Variants in CDKL3 observed in about 807,000 individuals in gnomAD.
CDKL3 encodes the protein cyclin-dependent kinase-like 3.
In CDKL3, 65 loss-of-function variants were observed where a neutral mutation model predicts 69.3. That is an observed-to-expected ratio of 0.94 (90% CI 0.77 to 1.15). CDKL3 has a LOEUF of 1.15. Among genes scored for constraint, CDKL3 ranks in the 50% most tolerant of loss-of-function variants. The pLI is 0.00. For missense variants in CDKL3, 652 were observed against 689.2 expected (o/e 0.95, Z 0.61); for synonymous variants, 202 against 221.6 (o/e 0.91, Z 0.79).
chr5:134,349,228 AAC>A (rs1257672862), intron 4 of CDKL3, among the ~76,000 whole-genome samples: 2 of 152,218 alleles, frequency 1.3e-5, no homozygotes, highest in African/African-American at 2.4e-5. Flanking sequence ...TTATTATAAT[AAC>A]ACAATAATAA....
intron 3 of CDKL3, among the ~76,000 whole-genome samples, chr5:134,354,945 CAA>C (rs112013809): frequency 1.6e-5 from 2 of 122,524 alleles, no homozygotes; most frequent in Non-Finnish European, 1.7e-5. Context: ...GACTCCGTCT[CAA>C]AAAAAAAAAA....
chr5:134,360,001 CTG>C lies in CDKL3; in HGVS notation c.254_255del (p.Thr85SerfsTer4). The C allele has an allele frequency of 6.4e-7, 1 of 1,564,036 alleles. No homozygotes were observed. Among genetic ancestry groups the C allele is most frequent in the Non-Finnish European group, 8.7e-7 (1 of 1,151,742 alleles). On this transcript the variant is annotated frameshift_variant, in exon 3 of 13. Coordinates refer to ENST00000265334, the MANE Select transcript of CDKL3 (RefSeq NM_001113575.2). LOFTEE classifies it high-confidence loss of function. ...CAATAATGTTGTAACTCATCTAATA[CTG>C]TGTGGTCAATAAATTCAAATACCAA... is the stretch of plus-strand genomic sequence containing the variant. ...IHLVFEFIDHTVLDELQHYCH... is the reference protein window; with the variant it reads ...IHLVFEFIDHXVLDELQHYCH...
intron 4 of CDKL3, among the ~76,000 whole-genome samples, chr5:134,334,107 G>A (rs1489401238): frequency 2.0e-5 from 3 of 152,110 alleles, no homozygotes; most frequent in Admixed American, 6.6e-5. Context: ...GGAGGGGTTT[G>A]TAGTATTCTC....
chr5:134,337,458 C>G (rs759535155), intron 4 of CDKL3, among the ~76,000 whole-genome samples: 1 of 152,174 alleles, frequency 6.6e-6, no homozygotes, highest in Non-Finnish European at 1.5e-5. Flanking sequence ...AGCTGTAGAC[C>G]GGAGATATTC....
At chr5:134,323,507 G>A (rs1773339382) in intron 4 of CDKL3, among the ~76,000 whole-genome samples, 1 of 152,104 alleles carries the variant, frequency 6.6e-6, no homozygotes, top group Non-Finnish European at 1.5e-5. Flanking sequence ...TGGTATTGGT[G>A]AAAGAATAGA....
Position 134,310,381 on chromosome 5 carries a change from G to A in CDKL3, c.882-1654C>T, listed in dbSNP as rs541367202. Among the ~76,000 whole-genome samples, 216 of 151,916 alleles carry A rather than the reference G, an allele frequency of 1.4e-3. 1 individual carries two copies. Among genetic ancestry groups the A allele is most frequent in the African/African-American group, 5.0e-3 (209 of 41,422 alleles). ...TGTTTTTTGTATTTTTAGTAGAGACGGGGTTTCACCGCGTTAGTCAGGATG... is the reference window on the plus strand; with the variant it reads ...TGTTTTTTGTATTTTTAGTAGAGACAGGGTTTCACCGCGTTAGTCAGGATG... On this transcript the variant is annotated intron_variant, in intron 7 of 12. Transcript: ENST00000265334.
In CDKL3 at chr5:134,312,368, T is replaced by A; in HGVS notation, c.805A>T (p.Ile269Phe). 1 of 1,590,012 alleles carries A rather than the reference T, an allele frequency of 6.3e-7. No homozygotes were observed. The highest frequency in any genetic ancestry group is 1.2e-5 in the South Asian group (1 of 85,840). The change falls in exon 7 of 13, where the codon ATT (isoleucine) becomes TTT (phenylalanine). Residue 269 changes from isoleucine (I) to phenylalanine (F), a missense_variant. Coordinates refer to ENST00000265334, the MANE Select transcript of CDKL3 (RefSeq NM_001113575.2). ...GATGATATCCTGTCAGCAGGATCAA[T>A]TTGTAAACAAGCCTAGGAAAGGAAA... is the stretch of plus-strand genomic sequence containing the variant. Reference protein sequence around the residue: ...LADIVHACLQIDPADRISSSD... With the variant: ...LADIVHACLQFDPADRISSSD...
At chr5:134,297,946 G>GTGTT (rs1561487912), downstream of CDKL3, among the ~76,000 whole-genome samples, 3 of 93,454 alleles carry the variant, frequency 3.2e-5, no homozygotes, top group Admixed American at 1.2e-4. Context: ...GTGTGTGTGT[G>GTGTT]TTTTGAGACA....
chr5:134,303,290 T>C (rs1580803971), intron 11 of CDKL3, among the ~76,000 whole-genome samples: 1 of 151,958 alleles, frequency 6.6e-6, no homozygotes, highest in Admixed American at 6.6e-5. Context: ...TTGGCCAGGG[T>C]GGTCTCAAAT....
chr5:134,293,380 C>T (rs1765211779), intron 8 of CDKL3, among the ~76,000 whole-genome samples: 1 of 151,968 alleles, frequency 6.6e-6, no homozygotes, highest in Admixed American at 6.6e-5. Flanking sequence ...TACACAAATT[C>T]AGGAAATGGG....
chr5:134,291,475 A>G (rs577532325), intron 8 of CDKL3, among the ~76,000 whole-genome samples: 1 of 152,360 alleles, frequency 6.6e-6, no homozygotes, highest in Admixed American at 6.5e-5. Flanking sequence ...ACTATTATTA[A>G]GAGAAACTAA....
Position 134,304,493 on chromosome 5 carries a change from C to T in CDKL3, c.1533G>A (p.Lys511=), listed in dbSNP as rs771304222. The T allele has an allele frequency of 6.2e-7, 1 of 1,612,714 alleles. No individual in the cohort carries two copies. Among genetic ancestry groups the T allele is most frequent in the South Asian group, 1.1e-5 (1 of 90,894 alleles). ...TCCTGTCAGATCTGGAAAAATTCAG[C>T]TTCCTTTTGTTCTCATTTGCCATTT... ...SDQMANENKR[K]LNFSRSDRKE... is the part of the protein sequence containing the mutation. Residue 511 remains lysine, a synonymous_variant, in exon 11 of 13, where the codon AAG becomes AAA. Transcript: ENST00000265334.
chr5:134,352,451 C>G (rs886847004), intron 3 of CDKL3, among the ~76,000 whole-genome samples: 2 of 151,944 alleles, frequency 1.3e-5, no homozygotes, highest in Admixed American at 1.3e-4. Context: ...CAGGGACATG[C>G]CACCACGCCC....
At chr5:134,338,698 AACAC>A (rs1036140329) in intron 4 of CDKL3, among the ~76,000 whole-genome samples, 4 of 151,878 alleles carry the variant, frequency 2.6e-5, no homozygotes, top group African/African-American at 9.7e-5. Flanking sequence ...TCTATCTCAA[AACAC>A]ACACACACAG....
chr5:134,358,221 CTGT>C (rs1226173044), intron 3 of CDKL3, among the ~76,000 whole-genome samples: 1 of 152,194 alleles, frequency 6.6e-6, no homozygotes, highest in East Asian at 1.9e-4. Context: ...CTTCCTCTAT[CTGT>C]TGTTCCCTGT....
At chr5:134,312,556 T>C (rs1196394214) in intron 6 of CDKL3, among the ~76,000 whole-genome samples, 176 bp from the exon 7 acceptor site, 1 of 152,268 alleles carries the variant, frequency 6.6e-6, no homozygotes, top group African/African-American at 2.4e-5. Context: ...TTTATTTCCC[T>C]AAGGAATTTG....
Position 134,308,334 on chromosome 5 carries a change from T to C in CDKL3, c.1168A>G (p.Asn390Asp), listed in dbSNP as rs1768450902. 4 of 1,613,934 alleles carry C rather than the reference T, an allele frequency of 2.5e-6. No individual in the cohort carries two copies. Among genetic ancestry groups the C allele is most frequent in the Non-Finnish European group, 2.5e-6 (3 of 1,179,828 alleles). The stretch of plus-strand genomic sequence containing the variant: ...GTATCTGGAGACATAGGATGAACAT[T>C]TTCATTTGCATCCTGTTGACCAAGT... ...GGLGQQDANE[N>D]VHPMSPDTKL... The change falls in exon 9 of 13, where the codon AAT becomes GAT. Residue 390 changes from asparagine to aspartate, a missense_variant. Transcript: ENST00000265334.
At chr5:134,363,101 T>A (rs1756449825) in intron 2 of CDKL3, among the ~76,000 whole-genome samples, 1 of 152,168 alleles carries the variant, frequency 6.6e-6, no homozygotes, top group South Asian at 2.1e-4. Flanking sequence ...TCAATTTAAG[T>A]GCAACAGTTG....
At chr5:134,325,238 T>C (rs1412687481) in intron 4 of CDKL3, among the ~76,000 whole-genome samples, 1 of 152,194 alleles carries the variant, frequency 6.6e-6, no homozygotes, top group Non-Finnish European at 1.5e-5. Context: ...ATATAGTATG[T>C]TCCTATTTCT....
Sources: gnomAD v4.1 joint callset for allele counts (sites outside exome capture counted in the v4.1 genomes callset) on GRCh38, gnomAD v4.1.1 for gene constraint, MANE v1.5 for transcripts, NCBI Gene and HGNC (gene_info 2026-07-23, HGNC 2026-07-21) for gene names.